Variants in TFAP2B observed in about 807,000 individuals in gnomAD.
TFAP2B encodes the protein transcription factor AP-2 beta.
TFAP2B carries 9 observed loss-of-function variants against 44.3 expected under a neutral mutation model. That is an observed-to-expected ratio of 0.20 (90% CI 0.12 to 0.35). The LOEUF is 0.35. TFAP2B is among the 10% of genes least tolerant of loss of function. TFAP2B has a pLI of 1.00. For synonymous variants in TFAP2B, 270 were observed against 263.8 expected (o/e 1.02, Z -0.23); for missense variants, 509 against 600.0 (o/e 0.85, Z 1.59).
intron 1 of TFAP2B, 121 bp downstream of exon 1, chr6:50,819,093 A>C (rs1770251503): frequency 3.0e-6 from 3 of 1,010,876 alleles, no homozygotes; most frequent in Non-Finnish European, 4.5e-6. Flanking sequence ...CGGTTTTCTC[A>C]GCTTTTTTTA....
chr6:50,823,415 C>T lies in TFAP2B; in HGVS notation c.90C>T (p.His30=), dbSNP rs959819079. The part of the protein sequence containing the change: ...VKYEDIYEDR[H]DGVPSHSSRL... Reference sequence around the variant, plus strand: ...CCTCTCTCCGCTCCCAGGACCGGCACGATGGTGTCCCGAGCCACAGCTCGC... The same window carrying T: ...CCTCTCTCCGCTCCCAGGACCGGCATGATGGTGTCCCGAGCCACAGCTCGC... Residue 30 remains histidine (H), a synonymous_variant, in exon 2 of 7, where the codon CAC becomes CAT. Coordinates refer to ENST00000393655, the MANE Select transcript of TFAP2B (RefSeq NM_003221.4). The T allele has an allele frequency of 1.9e-6, 3 of 1,594,002 alleles. No individual in the cohort carries two copies. Among genetic ancestry groups the T allele is most frequent in the East Asian group, 2.3e-5 (1 of 43,490 alleles).
intron 1 of TFAP2B, chr6:50,822,047 G>C: frequency 3.4e-6 from 3 of 869,664 alleles, no homozygotes; most frequent in South Asian, 2.9e-5. Context: ...CTCAGCTCCT[G>C]TGTCCAGCTC....
chr6:50,821,365 G>T (rs1361793726), intron 1 of TFAP2B, among the ~76,000 whole-genome samples: 3 of 152,144 alleles, frequency 2.0e-5, no homozygotes, highest in Non-Finnish European at 2.9e-5. Context: ...CCACCAATTT[G>T]CCTTTCTCTC....
chr6:50,820,346 G>A (rs1347728431), intron 1 of TFAP2B, among the ~76,000 whole-genome samples: 2 of 152,216 alleles, frequency 1.3e-5, no homozygotes, highest in Admixed American at 1.3e-4. Flanking sequence ...GGGGACTCGG[G>A]CTCGGACGAG....
intron 1 of TFAP2B, among the ~76,000 whole-genome samples, chr6:50,823,179 C>T (rs1328347409): frequency 6.6e-6 from 1 of 152,102 alleles, no homozygotes; most frequent in African/African-American, 2.4e-5. Context: ...CTCCCCAAGC[C>T]TGGGGTTTGA....
At chr6:50,820,129 G>A (rs1232787486) in intron 1 of TFAP2B, among the ~76,000 whole-genome samples, 1 of 152,214 alleles carries the variant, frequency 6.6e-6, no homozygotes, top group Admixed American at 6.5e-5. Context: ...AAAAGTTGGA[G>A]AGAAAAGGAA....
At chr6:50,819,954 G>C (rs1770286945) in intron 1 of TFAP2B, among the ~76,000 whole-genome samples, 1 of 152,116 alleles carries the variant, frequency 6.6e-6, no homozygotes, top group Non-Finnish European at 1.5e-5. Context: ...TCGCTTTTAA[G>C]CGGAATGGTC....
intron 3 of TFAP2B, 143 bp downstream of exon 3, chr6:50,828,822 G>C: frequency 1.0e-6 from 1 of 957,234 alleles, no homozygotes; most frequent in Non-Finnish European, 1.6e-6. Flanking sequence ...TGTCAGATTA[G>C]GGGAAAGGGC....
chr6:50,831,419 T>C (rs553734844), intron 3 of TFAP2B, among the ~76,000 whole-genome samples: 1 of 152,094 alleles, frequency 6.6e-6, no homozygotes, highest in Non-Finnish European at 1.5e-5. Context: ...CCATTAGAGC[T>C]CCCATTAAGC....
At position 50,843,252 on chromosome 6, in the gene TFAP2B, A is replaced by C. The variant is rs1192992365; in HGVS notation, c.1243A>C (p.Thr415Pro). The C allele has an allele frequency of 1.2e-6, 2 of 1,614,178 alleles. No homozygotes were observed. The highest frequency in any genetic ancestry group is 3.3e-5 in the Admixed American group (2 of 60,026). The change falls in exon 7 of 7, where the codon ACG becomes CCG. Residue 415 changes from threonine to proline, a missense_variant. This residue lies in a region of TFAP2B where 168 missense variants were observed against 183.2 expected (regional missense o/e 0.92). Coordinates refer to ENST00000393655, the MANE Select transcript of TFAP2B (RefSeq NM_003221.4). The stretch of plus-strand genomic sequence containing the variant: ...CGCCCCGGCCATTTGCGCCGCGCTC[A>C]CGGCCCTGCAGAACTATCTCACCGA... ...FGAPAICAAL[T>P]ALQNYLTEAL...
intron 2 of TFAP2B, among the ~76,000 whole-genome samples, chr6:50,825,248 G>C (rs986764739): frequency 3.9e-5 from 6 of 152,060 alleles, no homozygotes; most frequent in African/African-American, 1.4e-4. Context: ...CCTGGCTAGA[G>C]ATATTGCTCA....
At chr6:50,833,643 G>T (rs1762560048) in intron 3 of TFAP2B, among the ~76,000 whole-genome samples, 1 of 152,196 alleles carries the variant, frequency 6.6e-6, no homozygotes, top group South Asian at 2.1e-4. Flanking sequence ...CTCAACCCAT[G>T]GCAGGGAGCA....
chr6:50,841,700 T>C (rs779986374), intron 6 of TFAP2B, among the ~76,000 whole-genome samples: 1 of 152,008 alleles, frequency 6.6e-6, no homozygotes, highest in African/African-American at 2.4e-5. Flanking sequence ...TTACTGGAGG[T>C]GGGGGCCTGG....
rs1460688590 is a variant in TFAP2B at position 50,844,263 on chromosome 6, GTCA to G, written c.*874_*876del. 5.4e-5 allele frequency: 8 copies of G among 148,762 alleles called. No homozygotes were observed. Among genetic ancestry groups the G allele is most frequent in the Non-Finnish European group, 1.2e-4 (8 of 67,674 alleles). 9.2% of individuals were successfully genotyped at this position (148,762 alleles called of 1,614,324 possible). Reference sequence around the variant, plus strand: ...AGAATCTCACATTTATTATATTTGTGTCATCTACTAATTTTATGAACTATAGTA... The same window carrying G: ...AGAATCTCACATTTATTATATTTGTGTCTACTAATTTTATGAACTATAGTA... On this transcript the variant is annotated 3_prime_UTR_variant, in exon 7 of 7. Coordinates refer to ENST00000393655, the MANE Select transcript of TFAP2B (RefSeq NM_003221.4).
At chr6:50,831,541 T>C (rs1770678481) in intron 3 of TFAP2B, among the ~76,000 whole-genome samples, 1 of 152,110 alleles carries the variant, frequency 6.6e-6, no homozygotes, top group South Asian at 2.1e-4. Flanking sequence ...TGAAGGGGGC[T>C]GGTCAATGAG....
chr6:50,821,059 T>C (rs898966118), intron 1 of TFAP2B, among the ~76,000 whole-genome samples: 2 of 152,210 alleles, frequency 1.3e-5, no homozygotes, highest in Admixed American at 6.5e-5. Flanking sequence ...TATTTAAGTC[T>C]GGACTAAGGT....
intron 2 of TFAP2B, among the ~76,000 whole-genome samples, chr6:50,824,427 T>C (rs899703859): frequency 1.1e-4 from 16 of 152,272 alleles, no homozygotes; most frequent in Non-Finnish European, 2.4e-4. Context: ...TTGCTTTGAA[T>C]GTCTCATAAG....
At chr6:50,820,916 G>A (rs1770324959) in intron 1 of TFAP2B, among the ~76,000 whole-genome samples, 1 of 151,674 alleles carries the variant, frequency 6.6e-6, no homozygotes, top group East Asian at 1.9e-4. Context: ...AGGGAGGGAA[G>A]AGAGAAGAGA....
chr6:50,840,983 C>T (rs1459622539), intron 6 of TFAP2B, among the ~76,000 whole-genome samples: 1 of 152,236 alleles, frequency 6.6e-6, no homozygotes, highest in East Asian at 1.9e-4. Flanking sequence ...GCCCAAACAG[C>T]CGCGCTCATT....
Sources: allele counts gnomAD v4.1 joint callset (sites outside exome capture counted in the v4.1 genomes callset), GRCh38; gene constraint gnomAD v4.1.1; regional missense constraint gnomAD v4.1.1; transcripts MANE v1.5; gene names NCBI Gene and HGNC (gene_info 2026-07-23, HGNC 2026-07-21).